Variants in COLEC10 observed in about 807,000 individuals in gnomAD.
The protein encoded by COLEC10 is collectin subfamily member 10, also known as collectin-10.
COLEC10 carries 22 observed loss-of-function variants against 28.4 expected under a neutral mutation model. That is an observed-to-expected ratio of 0.78 (90% CI 0.55 to 1.11). The LOEUF is 1.11. Among genes scored for constraint, COLEC10 ranks in the 50% least tolerant of loss-of-function variants. The pLI is 0.00. For missense variants in COLEC10, 361 were observed against 344.1 expected, an observed-to-expected ratio of 1.05 and a Z score of -0.39; for synonymous variants, 125 against 116.1, an observed-to-expected ratio of 1.08 and a Z score of -0.49.
the COLEC10 span, among the ~76,000 whole-genome samples, chr8:118,965,784 C>G: frequency 6.6e-6 from 1 of 152,038 alleles, no homozygotes; most frequent in Non-Finnish European, 1.5e-5. Context: ...TTCTGCATTG[C>G]AGGCATTCAA....
At chr8:118,977,741 TATA>T in the COLEC10 span, among the ~76,000 whole-genome samples, 3 of 141,870 alleles carry the variant, frequency 2.1e-5, no homozygotes, top group East Asian at 2.2e-4. Flanking sequence ...AAACTTAAAG[TATA>T]ATAATAATAA....
At chr8:119,070,527 T>C (rs919799318) in intron 1 of COLEC10, among the ~76,000 whole-genome samples, 6 of 52,606 alleles carry the variant, frequency 1.1e-4, no homozygotes, top group Admixed American at 2.9e-4. Context: ...CTTCCCTCCC[T>C]CCCTCCATCT....
chr8:118,999,593 TA>T (rs35277668), intron 1 of COLEC10, among the ~76,000 whole-genome samples: 67 of 136,624 alleles, frequency 4.9e-4, no homozygotes, highest in Admixed American at 6.6e-4. Context: ...TCCATCTCAA[TA>T]AAAAAAAAAA....
At chr8:119,021,160 T>C (rs1587002270) in intron 2 of COLEC10, among the ~76,000 whole-genome samples, 1 of 152,238 alleles carries the variant, frequency 6.6e-6, no homozygotes, top group African/African-American at 2.4e-5. Context: ...TCTATTTCCC[T>C]AATTTTAGAA....
At chr8:119,066,400 C>A (rs946933368), upstream of COLEC10, among the ~76,000 whole-genome samples, 1 of 152,188 alleles carries the variant, frequency 6.6e-6, no homozygotes, top group Non-Finnish European at 1.5e-5. Flanking sequence ...ACATCTAAAT[C>A]TGTTGAGCTT....
intron 1 of COLEC10, among the ~76,000 whole-genome samples, chr8:119,089,151 A>G (rs1400341922): frequency 6.6e-6 from 1 of 152,146 alleles, no homozygotes. Flanking sequence ...TCAATCTTTA[A>G]TTCTTCAAGG....
chr8:119,037,408 GAT>G (rs1355495111), intron 2 of COLEC10, among the ~76,000 whole-genome samples: 2 of 152,014 alleles, frequency 1.3e-5, no homozygotes, highest in East Asian at 3.9e-4. Flanking sequence ...TTCTAAACTT[GAT>G]ATTTTTTTTT....
At chr8:118,975,255 C>G in the COLEC10 span, among the ~76,000 whole-genome samples, 1 of 151,970 alleles carries the variant, frequency 6.6e-6, no homozygotes, top group East Asian at 1.9e-4. Flanking sequence ...ATTAGAAAAG[C>G]ATCTGTAATC....
At chr8:119,094,981 A>G (rs1397565916) in intron 3 of COLEC10, among the ~76,000 whole-genome samples, 1 of 152,196 alleles carries the variant, frequency 6.6e-6, no homozygotes, top group Non-Finnish European at 1.5e-5. Context: ...AATCAACATT[A>G]TGCATGAGGT....
intron 1 of COLEC10, among the ~76,000 whole-genome samples, chr8:118,999,635 T>C (rs1813654958): frequency 6.6e-6 from 1 of 150,646 alleles, no homozygotes; most frequent in South Asian, 2.1e-4. Context: ...GAGAAAGAGT[T>C]TTCCTCAAGA....
At position 119,006,911 on chromosome 8, in the gene COLEC10, T is replaced by C. The variant is rs557480894; in HGVS notation, n.123-2530T>C. Among the ~76,000 whole-genome samples, 5 of 152,226 alleles carry C rather than the reference T, an allele frequency of 3.3e-5. No individual in the cohort carries two copies. The East Asian group carries it at 7.7e-4, about 23-fold the overall frequency. ...ATTGCAAGAGGATATTTTCTAATCA[T>C]AATTTTATGTAACTAGGTCAATATG... On this transcript the variant is annotated intron_variant and non_coding_transcript_variant, in intron 1 of 6. Transcript: ENST00000521788.
chr8:118,996,476 C>T (rs1813592311), intron 1 of COLEC10, among the ~76,000 whole-genome samples: 1 of 152,154 alleles, frequency 6.6e-6, no homozygotes, highest in Non-Finnish European at 1.5e-5. Context: ...ACATTCTCAC[C>T]AACAGTATAT....
chr8:118,959,565 T>G, the COLEC10 span, among the ~76,000 whole-genome samples: 3 of 152,338 alleles, frequency 2.0e-5, no homozygotes, highest in African/African-American at 7.2e-5. Context: ...AGCTCCTATT[T>G]GCAATCAAAT....
At position 119,106,460 on chromosome 8, in the gene COLEC10, T is replaced by C; in HGVS notation, c.*269T>C. The C allele has an allele frequency of 2.9e-6, 1 of 339,246 alleles. No individual in the cohort carries two copies. The highest frequency in any genetic ancestry group is 5.5e-6 in the Non-Finnish European group (1 of 180,488). 21.0% of individuals were successfully genotyped at this position (339,246 alleles called of 1,614,324 possible). On this transcript the variant is annotated 3_prime_UTR_variant, in exon 6 of 6. Transcript: ENST00000332843. ...TAATTGTGCACGAGATAGTTGGTTG[T>C]CTATATGTCAAATGAGTTGTTCTCT...
Position 119,095,057 on chromosome 8 carries a change from C to T in COLEC10, c.292+3837C>T, listed in dbSNP as rs568539617. ...ATAATTGAAAATAAAGGAATATGAG[C>T]GTTATTTGTGGAGAACATGATTGCA... is the stretch of plus-strand genomic sequence containing the variant. On this transcript the variant is annotated intron_variant, in intron 3 of 5. Coordinates refer to ENST00000332843, the MANE Select transcript of COLEC10 (RefSeq NM_006438.5). Among the ~76,000 whole-genome samples, 295 of 152,112 alleles carry T rather than the reference C, an allele frequency of 1.9e-3. 1 individual carries two copies. The highest frequency in any genetic ancestry group is 6.9e-3 in the African/African-American group (285 of 41,478).
intron 5 of COLEC10, 26 bp downstream of exon 5, chr8:119,103,921 G>C: frequency 2.1e-6 from 3 of 1,403,748 alleles, no homozygotes; most frequent in Non-Finnish European, 3.0e-6. Flanking sequence ...TTTGTGTTAT[G>C]TATCTATTGA....
At chr8:119,016,101 C>T (rs903869341) in intron 2 of COLEC10, among the ~76,000 whole-genome samples, 1 of 151,992 alleles carries the variant, frequency 6.6e-6, no homozygotes. Flanking sequence ...CAGATATACA[C>T]GTGCACCTAT....
At position 119,007,815 on chromosome 8, in the gene COLEC10, A is replaced by C. The variant is rs1170379967; in HGVS notation, n.123-1626A>C. On this transcript the variant is annotated intron_variant and non_coding_transcript_variant, in intron 1 of 6. Coordinates refer to the COLEC10 transcript ENST00000521788. ...TCAGTTCAAATCCTGACAATTCACTAATTATGTGCCTTTAGATTGATTACT... is the reference window on the plus strand; with the variant it reads ...TCAGTTCAAATCCTGACAATTCACTCATTATGTGCCTTTAGATTGATTACT... Among the ~76,000 whole-genome samples the C allele has an allele frequency of 4.6e-5, 7 of 150,938 alleles. No individual in the cohort carries two copies. In the East Asian group the frequency reaches 9.6e-4, roughly 21 times the overall value.
chr8:119,054,487 G>A (rs1188647704), intron 2 of COLEC10, among the ~76,000 whole-genome samples: 1 of 152,072 alleles, frequency 6.6e-6, no homozygotes, highest in Non-Finnish European at 1.5e-5. Flanking sequence ...AAGAGATAAA[G>A]AGTCACTTAG....
Sources: gnomAD v4.1 joint callset for allele counts (sites outside exome capture counted in the v4.1 genomes callset) on GRCh38, gnomAD v4.1.1 for gene constraint, MANE v1.5 for transcripts, NCBI Gene and HGNC (gene_info 2026-07-23, HGNC 2026-07-21) for gene names.